Variants in MECOM observed in about 807,000 individuals in gnomAD.
The protein encoded by MECOM is histone-lysine N-methyltransferase MECOM.
In MECOM, 13 loss-of-function variants were observed where a neutral mutation model predicts 116.3. The observed-to-expected ratio is 0.11, with a 90% CI of 0.07 to 0.18. The LOEUF is 0.18. Ranked by LOEUF, MECOM falls within the 10% of genes least tolerant of loss-of-function variation. The probability of loss-of-function intolerance (pLI) is 1.00; values close to 1 mark genes in which losing one functional copy is unlikely to be tolerated. For missense variants in MECOM, 1,299 were observed against 1,509.0 expected (o/e 0.86, Z 2.31); for synonymous variants, 528 against 535.2 (o/e 0.99, Z 0.19).
At chr3:169,397,749 T>C (rs1735239723) in intron 1 of MECOM, among the ~76,000 whole-genome samples, 1 of 152,186 alleles carries the variant, frequency 6.6e-6, no homozygotes, top group Non-Finnish European at 1.5e-5. Flanking sequence ...CCACCCAGCA[T>C]TCTCCCAAAG....
At chr3:169,391,586 A>G (rs185477434) in intron 1 of MECOM, among the ~76,000 whole-genome samples, 16 of 152,320 alleles carry the variant, frequency 1.1e-4, no homozygotes, top group Admixed American at 9.2e-4. Flanking sequence ...TTTTTTAAGT[A>G]TGAGAAAACA....
chr3:169,308,168 T>C (rs577912314), intron 2 of MECOM, among the ~76,000 whole-genome samples: 2 of 152,162 alleles, frequency 1.3e-5, no homozygotes, highest in South Asian at 2.1e-4. Flanking sequence ...TAATTGTCTC[T>C]TTTACTAGAT....
intron 2 of MECOM, among the ~76,000 whole-genome samples, chr3:169,353,361 C>A (rs1023249396): frequency 2.0e-5 from 3 of 151,858 alleles, no homozygotes; most frequent in African/African-American, 7.2e-5. Context: ...TACCAAAAAT[C>A]ATTAATTATT....
At chr3:169,132,585 G>A (rs1191359400) in intron 3 of MECOM, among the ~76,000 whole-genome samples, 1 of 152,038 alleles carries the variant, frequency 6.6e-6, no homozygotes, top group Non-Finnish European at 1.5e-5. Flanking sequence ...TGGTGAAAAT[G>A]AGACCAATTA....
At position 169,663,477 on chromosome 3, in the gene MECOM, TCTCTC is replaced by T; in HGVS notation, c.-110_-106del. 1 of 15,744 alleles carries T rather than the reference TCTCTC, an allele frequency of 6.4e-5. No individual in the cohort carries two copies. Among genetic ancestry groups the T allele is most frequent in the Non-Finnish European group, 1.3e-4 (1 of 7,770 alleles). The allele number at this position is 15,744 out of a possible 1,614,324, so 1.0% of individuals were successfully genotyped here. On this transcript the variant is annotated 5_prime_UTR_variant, in exon 1 of 17. Transcript: ENST00000651503. ...TCGCTCCCTCCCTCTCTCTCCTGTC[TCTCTC>T]TCTCTCTCTCTCTCTCTCTCTCTCT... is the stretch of plus-strand genomic sequence containing the variant.
At chr3:169,500,990 A>C (rs1754455172) in intron 1 of MECOM, among the ~76,000 whole-genome samples, 1 of 152,038 alleles carries the variant, frequency 6.6e-6, no homozygotes. Context: ...AATTAAGTTC[A>C]ATTTGATCAT....
At chr3:169,497,221 T>G (rs1753915704) in intron 1 of MECOM, among the ~76,000 whole-genome samples, 1 of 152,178 alleles carries the variant, frequency 6.6e-6, no homozygotes, top group Non-Finnish European at 1.5e-5. Context: ...TCTTACCTTA[T>G]TATATTGTTC....
intron 2 of MECOM, among the ~76,000 whole-genome samples, chr3:169,354,716 G>A (rs973686283): frequency 1.3e-4 from 20 of 151,908 alleles, no homozygotes; most frequent in Non-Finnish European, 8.8e-5. Flanking sequence ...TCAGGATGCC[G>A]AACCAAGTAA....
intron 2 of MECOM, among the ~76,000 whole-genome samples, chr3:169,188,620 G>A (rs146651720): frequency 1.3e-5 from 2 of 152,054 alleles, no homozygotes; most frequent in Admixed American, 6.6e-5. Context: ...TATGGACATC[G>A]GGTTGTGATC....
intron 1 of MECOM, among the ~76,000 whole-genome samples, chr3:169,467,486 T>C (rs906251331): frequency 1.3e-5 from 2 of 152,158 alleles, no homozygotes; most frequent in African/African-American, 2.4e-5. Context: ...ATTAATAATA[T>C]CACAACCTGC....
At chr3:169,162,897 C>T (rs192552045) in intron 2 of MECOM, among the ~76,000 whole-genome samples, 22 of 152,138 alleles carry the variant, frequency 1.4e-4, no homozygotes, top group African/African-American at 5.3e-4. Flanking sequence ...ATTACTAACA[C>T]ACTAAAGGTT....
chr3:169,572,546 GT>G (rs1444324686), intron 1 of MECOM, among the ~76,000 whole-genome samples: 19 of 152,288 alleles, frequency 1.2e-4, no homozygotes, highest in African/African-American at 4.3e-4. Context: ...GCACACATAT[GT>G]TTATTGCAGC....
chr3:169,495,106 T>C (rs79529559), intron 1 of MECOM, among the ~76,000 whole-genome samples: 2,039 of 152,320 alleles, frequency 0.013, 32 homozygotes, highest in African/African-American at 0.047. Flanking sequence ...TCAATACCGG[T>C]AATCCTGATT....
intron 2 of MECOM, among the ~76,000 whole-genome samples, chr3:169,197,588 A>G (rs1748603723): frequency 6.6e-6 from 1 of 152,000 alleles, no homozygotes; most frequent in Admixed American, 6.6e-5. Context: ...CAGAAGATCC[A>G]TTTTAGAGTC....
chr3:169,473,762 C>T (rs1055830709), intron 1 of MECOM, among the ~76,000 whole-genome samples: 7 of 146,732 alleles, frequency 4.8e-5, no homozygotes, highest in Admixed American at 3.4e-4. Context: ...AGCCAGACTC[C>T]CTCTTAGAAA....
chr3:169,263,118 TATATA>T (rs1757788599), intron 2 of MECOM, among the ~76,000 whole-genome samples: 1 of 96,130 alleles, frequency 1.0e-5, no homozygotes, highest in African/African-American at 5.3e-5. Context: ...TATATATATA[TATATA>T]TATATGTTTT....
At chr3:169,601,183 C>A (rs1393875809) in intron 1 of MECOM, among the ~76,000 whole-genome samples, 2 of 152,182 alleles carry the variant, frequency 1.3e-5, no homozygotes, top group Non-Finnish European at 2.9e-5. Flanking sequence ...TTCAAACCAA[C>A]CTCATAGTTT....
intron 1 of MECOM, among the ~76,000 whole-genome samples, chr3:169,594,164 A>AC (rs1229694783): frequency 2.1e-5 from 3 of 143,596 alleles, no homozygotes; most frequent in African/African-American, 8.4e-5. Context: ...CAAAAAAAAA[A>AC]AAAAAAAAAA....
chr3:169,536,049 A>G (rs1385093482), intron 1 of MECOM, among the ~76,000 whole-genome samples: 4 of 152,150 alleles, frequency 2.6e-5, no homozygotes, highest in Non-Finnish European at 5.9e-5. Context: ...ATAACAGCCC[A>G]TGTGTTTAGA....
Sources: gnomAD v4.1 joint callset for allele counts (sites outside exome capture counted in the v4.1 genomes callset) on GRCh38, gnomAD v4.1.1 for gene constraint, MANE v1.5 for transcripts, NCBI Gene and HGNC (gene_info 2026-07-23, HGNC 2026-07-21) for gene names.